LCP1: variants seen among roughly 807,000 people sequenced by gnomAD.
LCP1 encodes lymphocyte cytosolic protein 1.
Under a neutral mutation model 72.0 loss-of-function variants are expected in LCP1, and 23 were observed. That is an observed-to-expected ratio of 0.32 (90% CI 0.23 to 0.45). The LOEUF is 0.45. Among genes scored for constraint, LCP1 ranks in the 20% least tolerant of loss-of-function variants. LCP1 has a pLI of 1.00. For missense variants in LCP1, 571 were observed against 748.3 expected, an observed-to-expected ratio of 0.76 and a Z score of 2.76; for synonymous variants, 245 against 275.4, an observed-to-expected ratio of 0.89 and a Z score of 1.09.
chr13:46,173,156 A>G (rs1358318794), intron 1 of LCP1, among the ~76,000 whole-genome samples: 1 of 152,230 alleles, frequency 6.6e-6, no homozygotes, highest in Non-Finnish European at 1.5e-5. Context: ...TTATGAAATT[A>G]GGATCATTAT....
chr13:46,180,206 T>A (rs887554155), intron 1 of LCP1, among the ~76,000 whole-genome samples: 2 of 152,176 alleles, frequency 1.3e-5, no homozygotes, highest in African/African-American at 4.8e-5. Context: ...GGCCGGTTCC[T>A]TCAATTATCT....
At chr13:46,159,573 C>T in intron 2 of LCP1, 26 bp downstream of exon 2, 1 of 1,594,358 alleles carries the variant, frequency 6.3e-7, no homozygotes, top group South Asian at 1.1e-5. Context: ...GAGAATGATG[C>T]AATTTGGGGT....
intron 13 of LCP1, among the ~76,000 whole-genome samples, chr13:46,138,054 A>C (rs892008872): frequency 6.6e-6 from 1 of 152,140 alleles, no homozygotes; most frequent in African/African-American, 2.4e-5. Context: ...TTCTTTGTTC[A>C]TTTGCTTCAG....
At chr13:46,163,872 C>T (rs139064750) in intron 1 of LCP1, among the ~76,000 whole-genome samples, 21 of 152,322 alleles carry the variant, frequency 1.4e-4, no homozygotes, top group African/African-American at 5.1e-4. Context: ...TACCCTCTAC[C>T]ATATCCACAT....
chr13:46,137,802 T>C (rs933650691), intron 13 of LCP1, among the ~76,000 whole-genome samples: 1 of 152,218 alleles, frequency 6.6e-6, no homozygotes, highest in African/African-American at 2.4e-5. Context: ...TGAAACAGAA[T>C]TATGAGCTCC....
chr13:46,143,563 A>T (rs905400587), intron 11 of LCP1, among the ~76,000 whole-genome samples, 159 bp from the exon 12 acceptor site: 1 of 152,142 alleles, frequency 6.6e-6, no homozygotes, highest in African/African-American at 2.4e-5. Context: ...AGAAACCATG[A>T]CTCAGAGAGA....
At chr13:46,159,755 C>CTTAA in intron 1 of LCP1, 69 bp from the exon 2 acceptor site, 1 of 861,276 alleles carries the variant, frequency 1.2e-6, no homozygotes, top group East Asian at 2.4e-5. Flanking sequence ...CATTAAGAAG[C>CTTAA]AATTCCCATT....
At chr13:46,146,311 T>C (rs1430981730) in intron 10 of LCP1, among the ~76,000 whole-genome samples, 1 of 152,220 alleles carries the variant, frequency 6.6e-6, no homozygotes, top group African/African-American at 2.4e-5. Context: ...TGTCTCAATA[T>C]TGGGACTAGT....
chr13:46,132,997 C>A (rs2045643028), intron 14 of LCP1, among the ~76,000 whole-genome samples: 1 of 152,100 alleles, frequency 6.6e-6, no homozygotes, highest in Non-Finnish European at 1.5e-5. Flanking sequence ...ATGGCACAGG[C>A]ATTATGATGA....
At position 46,171,270 on chromosome 13, in the gene LCP1, T is replaced by C. The variant is rs561898368; in HGVS notation, c.-25+10841A>G. On this transcript the variant is annotated intron_variant, in intron 1 of 15. Coordinates refer to ENST00000323076, the MANE Select transcript of LCP1 (RefSeq NM_002298.5). ...ACAGCTATAAACTGGAGTGGCCTCC[T>C]GCCTTTCCTATCATTTCTGGCTATG... 1.2e-4 allele frequency among the ~76,000 whole-genome samples: 18 copies of C among 152,320 alleles called. No individual in the cohort carries two copies. The East Asian group carries it at 2.1e-3, about 18-fold the overall frequency.
chr13:46,179,005 A>T (rs746943093), intron 1 of LCP1, among the ~76,000 whole-genome samples: 1 of 152,258 alleles, frequency 6.6e-6, no homozygotes, highest in African/African-American at 2.4e-5. Context: ...AGAATAATCC[A>T]AAGTGACTAA....
At chr13:46,140,825 T>G (rs1267368752) in intron 13 of LCP1, among the ~76,000 whole-genome samples, 2 of 152,168 alleles carry the variant, frequency 1.3e-5, no homozygotes, top group Non-Finnish European at 1.5e-5. Context: ...ACATGTACAC[T>G]GGATGGAGTT....
chr13:46,150,455 G>C (rs1250195511), intron 8 of LCP1, among the ~76,000 whole-genome samples: 1 of 152,134 alleles, frequency 6.6e-6, no homozygotes, highest in African/African-American at 2.4e-5. Flanking sequence ...TGGGGTTGTT[G>C]TAAGGATTCA....
At chr13:46,130,724 G>T in intron 15 of LCP1, 90 bp downstream of exon 15, 4 of 1,428,434 alleles carry the variant, frequency 2.8e-6, no homozygotes. Context: ...TGAAATGTTT[G>T]TATAAAGGCA....
At chr13:46,157,032 G>A (rs958789822) in intron 4 of LCP1, among the ~76,000 whole-genome samples, 15 of 151,726 alleles carry the variant, frequency 9.9e-5, no homozygotes, top group Non-Finnish European at 1.9e-4. Context: ...GTGTTAGCCA[G>A]GATGGTCTCG....
In LCP1 at chr13:46,161,984, G is replaced by A. The variant is rs530435549; in HGVS notation, c.-24-2298C>T. On this transcript the variant is annotated intron_variant, in intron 1 of 15. Transcript: ENST00000323076. The stretch of plus-strand genomic sequence containing the variant: ...CCATTTGTGGGATGGGGTAAACACA[G>A]GTTTTGTGTTTCTTACAATGTCCTT... 2.0e-5 allele frequency among the ~76,000 whole-genome samples: 3 copies of A among 152,268 alleles called. No individual in the cohort carries two copies. In the South Asian group the frequency reaches 6.2e-4, roughly 32 times the overall value.
intron 1 of LCP1, among the ~76,000 whole-genome samples, chr13:46,160,424 G>A (rs1188973510): frequency 3.3e-5 from 5 of 152,118 alleles, no homozygotes; most frequent in Non-Finnish European, 7.4e-5. Context: ...TTTTTTAAGA[G>A]GTATCTTCGT....
intron 1 of LCP1, among the ~76,000 whole-genome samples, chr13:46,176,321 A>G (rs2045930215): frequency 6.6e-6 from 1 of 152,084 alleles, no homozygotes; most frequent in African/African-American, 2.4e-5. Context: ...ATAAATACAT[A>G]CCGTTATATG....
Position 46,159,591 on chromosome 13 carries a change from C to T in LCP1, c.64+8G>A. On this transcript the variant is annotated splice_region_variant and intron_variant, in intron 2 of 15. Transcript: ENST00000323076. ...AATGATGCAATTTGGGGTACCAGGT[C>T]TACTCACCAACTTTGGCAAAAGCTT... 2 of 1,612,422 alleles carry T rather than the reference C, an allele frequency of 1.2e-6. No individual in the cohort carries two copies. Among genetic ancestry groups the T allele is most frequent in the Non-Finnish European group, 1.7e-6 (2 of 1,178,418 alleles).
Sources: allele counts gnomAD v4.1 joint callset (sites outside exome capture counted in the v4.1 genomes callset), GRCh38; gene constraint gnomAD v4.1.1; transcripts MANE v1.5; gene names NCBI Gene and HGNC (gene_info 2026-07-23, HGNC 2026-07-21).